Variants in CCDC7 observed in about 807,000 individuals in gnomAD.
CCDC7 encodes coiled-coil domain containing 7.
CCDC7 carries 183 observed loss-of-function variants against 196.9 expected under a neutral mutation model. That is an observed-to-expected ratio of 0.93 (90% confidence interval 0.82 to 1.05). CCDC7 has a LOEUF of 1.05. CCDC7 is among the 50% of genes least tolerant of loss of function. The pLI is 0.00. For synonymous variants in CCDC7, 525 were observed against 484.6 expected (o/e 1.08, Z -1.10); for missense variants, 1,540 against 1,482.2 (o/e 1.04, Z -0.64).
chr10:32,465,491 C>T (rs116952609), intron 5 of CCDC7, among the ~76,000 whole-genome samples: 1,738 of 151,046 alleles, frequency 0.012, 11 homozygotes, highest in Middle Eastern at 0.024. Flanking sequence ...TGATCGTGCC[C>T]TCATTTTTGA....
intron 21 of CCDC7, among the ~76,000 whole-genome samples, chr10:32,665,284 T>C (rs1230715899): frequency 5.3e-5 from 6 of 112,406 alleles, no homozygotes; most frequent in Non-Finnish European, 1.1e-4. Context: ...CTGTTGATTG[T>C]TTGCTTTGCT....
At chr10:32,486,967 G>A (rs532210083) in intron 8 of CCDC7, among the ~76,000 whole-genome samples, 20 of 151,970 alleles carry the variant, frequency 1.3e-4, no homozygotes, top group African/African-American at 4.6e-4. Flanking sequence ...ACAATTATAT[G>A]TCTTGGAGTT....
chr10:32,554,667 G>A (rs1438868115), intron 13 of CCDC7, among the ~76,000 whole-genome samples: 1 of 152,186 alleles, frequency 6.6e-6, no homozygotes, highest in Non-Finnish European at 1.5e-5. Flanking sequence ...CAGTATTTGG[G>A]GTGTCTCCCA....
At chr10:32,533,463 C>T (rs2050007648) in intron 11 of CCDC7, among the ~76,000 whole-genome samples, 1 of 151,908 alleles carries the variant, frequency 6.6e-6, no homozygotes, top group Non-Finnish European at 1.5e-5. Flanking sequence ...TTTTGGGTTT[C>T]TTCATGTACT....
intron 24 of CCDC7, among the ~76,000 whole-genome samples, chr10:32,699,066 T>TA: frequency 6.6e-6 from 1 of 152,126 alleles, no homozygotes; most frequent in East Asian, 1.9e-4. Context: ...TCTTTTTTTT[T>TA]ATTTTACTTT....
At chr10:32,766,275 A>G (rs773231001) in intron 28 of CCDC7, among the ~76,000 whole-genome samples, 1 of 152,040 alleles carries the variant, frequency 6.6e-6, no homozygotes, top group African/African-American at 2.4e-5. Flanking sequence ...TATAATGCCT[A>G]TTTGACTTCT....
chr10:32,505,202 A>G (rs937373603), intron 9 of CCDC7, among the ~76,000 whole-genome samples: 3 of 147,926 alleles, frequency 2.0e-5, no homozygotes, highest in Non-Finnish European at 3.0e-5. Context: ...ATTTTTTAGT[A>G]TTTATTGATC....
At chr10:32,583,099 A>C in exon 17 of CCDC7, 1 of 1,231,356 alleles carries the variant, frequency 8.1e-7, no homozygotes, top group Admixed American at 4.2e-5. Context: ...TCTCAAGATG[A>C]ATCAGCATTT....
intron 28 of CCDC7, among the ~76,000 whole-genome samples, chr10:32,738,873 A>C (rs1174007152): frequency 3.9e-5 from 6 of 152,128 alleles, no homozygotes; most frequent in Admixed American, 3.3e-4. Context: ...ATGTTTAAAA[A>C]TATTTTCTTC....
chr10:32,846,265 T>G, intron 36 of CCDC7, 111 bp from the exon 38 acceptor site: 1 of 673,260 alleles, frequency 1.5e-6, no homozygotes, highest in Non-Finnish European at 2.6e-6. Flanking sequence ...TAGTGTTACA[T>G]TGGTGAAATT....
intron 29 of CCDC7, among the ~76,000 whole-genome samples, chr10:32,797,513 G>T (rs2083852306): frequency 6.6e-6 from 1 of 151,964 alleles, no homozygotes; most frequent in African/African-American, 2.4e-5. Flanking sequence ...GGACTCAAAA[G>T]CAAAGGGTAG....
At chr10:32,832,641 G>T (rs1181582710) in intron 32 of CCDC7, among the ~76,000 whole-genome samples, 1 of 151,810 alleles carries the variant, frequency 6.6e-6, no homozygotes, top group Non-Finnish European at 1.5e-5. Context: ...AAATTTACAG[G>T]ATTAGTTGGT....
At chr10:32,869,017 C>T (rs958222784) in intron 41 of CCDC7, among the ~76,000 whole-genome samples, 139 of 152,074 alleles carry the variant, frequency 9.1e-4, no homozygotes, top group Non-Finnish European at 1.5e-3. Flanking sequence ...TGAATAGTGC[C>T]ACAATAAACA....
intron 20 of CCDC7, among the ~76,000 whole-genome samples, chr10:32,641,757 T>G (rs892160138): frequency 1.1e-4 from 17 of 152,332 alleles, no homozygotes; most frequent in African/African-American, 4.1e-4. Context: ...GTTTTTCTGT[T>G]CTGTTTTTTC....
At chr10:32,549,047 C>T (rs2053012972) in intron 13 of CCDC7, among the ~76,000 whole-genome samples, 2 of 152,184 alleles carry the variant, frequency 1.3e-5, no homozygotes, top group Admixed American at 6.5e-5. Flanking sequence ...GAAGTGTTCT[C>T]TGATCACCGC....
intron 25 of CCDC7, among the ~76,000 whole-genome samples, chr10:32,712,428 G>A (rs879878083): frequency 2.6e-5 from 4 of 152,180 alleles, no homozygotes; most frequent in South Asian, 2.1e-4. Context: ...AGGTCCTTGT[G>A]CCTTTTCCAA....
In CCDC7 at chr10:32,471,027, G is replaced by A. The variant is rs749954092; in HGVS notation, c.511-37G>A. On this transcript the variant is annotated intron_variant, in intron 5 of 41. Coordinates refer to ENST00000639629, the Ensembl canonical transcript of CCDC7. ...TATTTGAGGTATGGGAACAAAATGGGTATTTACTAAATAACTGGTTAATTT... is the reference window on the plus strand; with the variant it reads ...TATTTGAGGTATGGGAACAAAATGGATATTTACTAAATAACTGGTTAATTT... 7.9e-6 allele frequency: 12 copies of A among 1,511,628 alleles called. No homozygotes were observed. In the South Asian group the frequency reaches 1.5e-4, roughly 19 times the overall value. The allele number at this position is 1,511,628 out of a possible 1,614,324, so 93.6% of individuals were successfully genotyped here. A position where few individuals can be genotyped will look rare whatever the true frequency, so the allele number is the denominator to read the frequency against.
At chr10:32,676,544 C>G (rs545232155) in intron 21 of CCDC7, among the ~76,000 whole-genome samples, 16 of 152,184 alleles carry the variant, frequency 1.1e-4, no homozygotes, top group African/African-American at 3.4e-4. Flanking sequence ...ACAACCCCAT[C>G]AAAATGTGGG....
At chr10:32,851,658 T>G in intron 39 of CCDC7, 149 bp from the exon 41 acceptor site, 2 of 673,376 alleles carry the variant, frequency 3.0e-6, no homozygotes, top group South Asian at 4.9e-5. Flanking sequence ...GAAATTTTGT[T>G]GCAGTCTATG....
Sources: allele counts gnomAD v4.1 joint callset (sites outside exome capture counted in the v4.1 genomes callset), GRCh38; gene constraint gnomAD v4.1.1; transcripts MANE v1.5; gene names NCBI Gene and HGNC (gene_info 2026-07-23, HGNC 2026-07-21).